PRH1: variants seen among roughly 807,000 people sequenced by gnomAD.
PRH1 encodes salivary acidic proline-rich phosphoprotein 1/2.
In PRH1, 7 loss-of-function variants were observed where a neutral mutation model predicts 7.9. The observed-to-expected ratio is 0.89, with a 90% confidence interval of 0.50 to 1.67. The LOEUF is 1.67. Ranked by LOEUF, PRH1 falls within the 40% of genes most tolerant of loss-of-function variation. PRH1 has a pLI of 0.00. For missense variants in PRH1, 109 were observed against 223.6 expected, an observed-to-expected ratio of 0.49 and a Z score of 3.27; for synonymous variants, 45 against 80.8, an observed-to-expected ratio of 0.56 and a Z score of 2.38.
intron 1 of PRH1, among the ~76,000 whole-genome samples, chr12:11,150,877 T>C (rs966146976): frequency 6.6e-5 from 10 of 152,156 alleles, no homozygotes; most frequent in Non-Finnish European, 1.0e-4. Flanking sequence ...TATACCAGAC[T>C]CCATTATATA....
intron 1 of PRH1, among the ~76,000 whole-genome samples, chr12:11,010,709 C>T (rs1941028581): frequency 1.3e-5 from 2 of 151,726 alleles, no homozygotes; most frequent in Admixed American, 1.3e-4. Flanking sequence ...AAATTTTACA[C>T]TGATATTTAC....
chr12:10,971,767 T>C (rs942536243), intron 2 of PRH1, among the ~76,000 whole-genome samples: 1 of 152,098 alleles, frequency 6.6e-6, no homozygotes, highest in African/African-American at 2.4e-5. Flanking sequence ...TTTATATTTA[T>C]ATAAAAATTA....
In PRH1 at chr12:11,026,733, C is replaced by A. The variant is rs144592659; in HGVS notation, c.-126+20287G>T. ...AATGCAGACTACCAGAAACTTAAAT[C>A]AACACTCACAAATGCTTTCCAGGAT... On this transcript the variant is annotated intron_variant, in intron 1 of 3. Transcript: ENST00000539853. 3.9e-3 allele frequency among the ~76,000 whole-genome samples: 598 copies of A among 152,276 alleles called. 1 individual carries two copies. Among genetic ancestry groups the A allele is most frequent in the African/African-American group, 0.014 (567 of 41,558 alleles).
chr12:10,908,753 A>T (rs777657052), intron 2 of PRH1: 1 of 1,613,992 alleles, frequency 6.2e-7, no homozygotes, highest in Admixed American at 1.7e-5. Context: ...ACATAGTCAT[A>T]GTGAATTTGA....
At chr12:11,063,067 T>A (rs1219489527) in intron 1 of PRH1, among the ~76,000 whole-genome samples, 1 of 152,116 alleles carries the variant, frequency 6.6e-6, no homozygotes, top group Non-Finnish European at 1.5e-5. Context: ...CACTCAGGGC[T>A]TTCAGCTCAT....
intron 1 of PRH1, among the ~76,000 whole-genome samples, chr12:11,039,207 A>T (rs1458637398): frequency 6.6e-6 from 1 of 152,232 alleles, no homozygotes; most frequent in Non-Finnish European, 1.5e-5. Flanking sequence ...ATTTTTTTAA[A>T]GGCAGGCCTG....
At chr12:10,887,190 T>A (rs150694727), upstream of PRH1, among the ~76,000 whole-genome samples, 135 of 152,306 alleles carry the variant, frequency 8.9e-4, 2 homozygotes, top group Non-Finnish European at 1.6e-4. Context: ...CATGCTCTAG[T>A]TTGCCTGGAA....
intron 1 of PRH1, among the ~76,000 whole-genome samples, chr12:11,147,211 A>G (rs1459694723): frequency 6.6e-6 from 1 of 152,158 alleles, no homozygotes; most frequent in African/African-American, 2.4e-5. Context: ...TGTTTTTGAA[A>G]CAATGTCTCA....
intron 1 of PRH1, among the ~76,000 whole-genome samples, chr12:11,017,354 C>T (rs1941342249): frequency 6.6e-6 from 1 of 152,008 alleles, no homozygotes; most frequent in South Asian, 2.1e-4. Flanking sequence ...TAGTAAAATA[C>T]TTAAACATTA....
At chr12:10,962,900 G>A (rs1938313405) in intron 2 of PRH1, among the ~76,000 whole-genome samples, 1 of 152,184 alleles carries the variant, frequency 6.6e-6, no homozygotes, top group Non-Finnish European at 1.5e-5. Context: ...CTCCCGAGTA[G>A]CTGGGACTAC....
chr12:11,072,874 C>T (rs1438548967), intron 1 of PRH1, among the ~76,000 whole-genome samples: 1 of 119,006 alleles, frequency 8.4e-6, no homozygotes, highest in African/African-American at 2.8e-5. Context: ...TGTTTTATGT[C>T]AGGGCGATGT....
At chr12:11,090,747 T>C (rs1190098704) in intron 1 of PRH1, among the ~76,000 whole-genome samples, 2 of 117,050 alleles carry the variant, frequency 1.7e-5, no homozygotes, top group Non-Finnish European at 4.1e-5. Context: ...TAGAAATTCA[T>C]AATGGAATAA....
intron 1 of PRH1, chr12:11,061,321 C>T (rs760811935): frequency 8.9e-6 from 14 of 1,566,810 alleles, no homozygotes; most frequent in South Asian, 1.2e-5. Flanking sequence ...TCATATAACA[C>T]GTTTGTTTTC....
At chr12:11,082,214 GA>G (rs1311611450) in intron 1 of PRH1, among the ~76,000 whole-genome samples, 1 of 116,314 alleles carries the variant, frequency 8.6e-6, no homozygotes, top group African/African-American at 2.9e-5. Context: ...CTAAAAGGTA[GA>G]ATGTTATTTA....
chr12:11,075,958 C>T (rs1944274063), intron 1 of PRH1, among the ~76,000 whole-genome samples: 2 of 120,592 alleles, frequency 1.7e-5, no homozygotes, highest in African/African-American at 5.6e-5. Flanking sequence ...CCAGACAAAG[C>T]AAGACAGATA....
chr12:10,890,748 G>A (rs1949560282), intron 2 of PRH1, among the ~76,000 whole-genome samples: 1 of 151,044 alleles, frequency 6.6e-6, no homozygotes, highest in Non-Finnish European at 1.5e-5. Context: ...ATGATGGTGT[G>A]TGCCTGTTGT....
chr12:11,071,744 T>A (rs1441195196), intron 1 of PRH1, among the ~76,000 whole-genome samples: 61 of 152,146 alleles, frequency 4.0e-4, no homozygotes, highest in Non-Finnish European at 8.8e-5. Flanking sequence ...GATGCTCGGC[T>A]GGACTGACAA....
At chr12:10,972,145 T>C (rs1362132603) in intron 2 of PRH1, among the ~76,000 whole-genome samples, 1 of 152,176 alleles carries the variant, frequency 6.6e-6, no homozygotes, top group Non-Finnish European at 1.5e-5. Flanking sequence ...AAAATGTTTA[T>C]ACATTTAATA....
At chr12:10,981,011 G>T (rs1037356360) in intron 1 of PRH1, among the ~76,000 whole-genome samples, 2 of 152,146 alleles carry the variant, frequency 1.3e-5, no homozygotes, top group Non-Finnish European at 2.9e-5. Context: ...CCAAGAGGGG[G>T]AAAGAGTTGA....
Sources: gnomAD v4.1 joint callset for allele counts (sites outside exome capture counted in the v4.1 genomes callset) on GRCh38, gnomAD v4.1.1 for gene constraint, MANE v1.5 for transcripts, NCBI Gene and HGNC (gene_info 2026-07-23, HGNC 2026-07-21) for gene names.